The following C6 variants were observed in gnomAD, a reference collection of about 807,000 sequenced individuals.
C6 encodes the protein complement component C6.
C6 carries 101 observed loss-of-function variants against 112.9 expected under a neutral mutation model. The observed-to-expected ratio is 0.89, with a 90% confidence interval of 0.76 to 1.06. The LOEUF (loss-of-function observed/expected upper bound fraction) is 1.06. C6 is among the 50% of genes least tolerant of loss of function. C6 has a pLI of 0.00. For synonymous variants in C6, 431 were observed against 384.1 expected, an observed-to-expected ratio of 1.12 and a Z score of -1.43; for missense variants, 1,202 against 1,104.6, an observed-to-expected ratio of 1.09 and a Z score of -1.25.
rs772139187 is a variant in C6 at position 41,154,946 on chromosome 5, A to G, written c.2101+26T>C. On this transcript the variant is annotated intron_variant, in intron 14 of 17. Transcript: ENST00000337836. The stretch of plus-strand genomic sequence containing the variant: ...GCACATTCATTCTGTAAAGTAGTCA[A>G]GCAAAATTGTTTGCCCAGTTCTCAC... 14 of 1,612,460 alleles carry G rather than the reference A, an allele frequency of 8.7e-6. No individual in the cohort carries two copies. The South Asian group carries it at 1.3e-4, about 15-fold the overall frequency.
intron 1 of C6, among the ~76,000 whole-genome samples, chr5:41,250,742 T>G (rs1741300595): frequency 6.6e-6 from 1 of 152,306 alleles, no homozygotes; most frequent in Non-Finnish European, 1.5e-5. Context: ...TAAGCCACAG[T>G]AAACCTTCAG....
At chr5:41,192,941 A>G (rs904198390) in intron 5 of C6, among the ~76,000 whole-genome samples, 2 of 152,210 alleles carry the variant, frequency 1.3e-5, no homozygotes, top group Non-Finnish European at 2.9e-5. Context: ...TGTTGAAAAC[A>G]TTCTAAAATT....
chr5:41,189,543 G>A (rs139911444), intron 5 of C6, among the ~76,000 whole-genome samples: 2 of 152,058 alleles, frequency 1.3e-5, no homozygotes, highest in East Asian at 3.9e-4. Flanking sequence ...GGGGTACGTA[G>A]TGATGTTTAG....
At chr5:41,205,344 G>A (rs2150374813) in intron 1 of C6, among the ~76,000 whole-genome samples, 1 of 152,290 alleles carries the variant, frequency 6.6e-6, no homozygotes, top group East Asian at 1.9e-4. Context: ...ATTTCCAACT[G>A]AGGTACTGGG....
Position 41,201,568 on chromosome 5 carries a change from A to G in C6, c.290T>C (p.Ile97Thr). The G allele has an allele frequency of 1.2e-6, 2 of 1,613,640 alleles. No individual in the cohort carries two copies. The highest frequency in any genetic ancestry group is 8.5e-7 in the Non-Finnish European group (1 of 1,179,856). The change falls in exon 3 of 18, where the codon ATT (isoleucine) becomes ACT (threonine). Residue 97 changes from isoleucine (I) to threonine (T), a missense_variant. Ile to Thr is a moderately conservative substitution (Grantham distance 89, BLOSUM62 -1). Coordinates refer to ENST00000337836, the MANE Select transcript of C6 (RefSeq NM_000065.5). Reference protein sequence around the residue: ...FGPWSDCDPCIEKQSKVRSVL... With the variant: ...FGPWSDCDPCTEKQSKVRSVL... The stretch of plus-strand genomic sequence containing the variant: ...CCCATGGTTGCCTACCTGTTTTTCA[A>G]TACAAGGGTCACAGTCTGACCATGG...
At chr5:41,253,191 A>G (rs1481942328) in intron 1 of C6, among the ~76,000 whole-genome samples, 1 of 152,170 alleles carries the variant, frequency 6.6e-6, no homozygotes, top group Non-Finnish European at 1.5e-5. Flanking sequence ...TATGTTATGC[A>G]TGGGATTTTT....
chr5:41,235,173 C>T (rs1740191471), intron 1 of C6, among the ~76,000 whole-genome samples: 1 of 143,522 alleles, frequency 7.0e-6, no homozygotes, highest in Admixed American at 7.0e-5. Context: ...TGCGCTGCAC[C>T]CACTAACGTG....
At chr5:41,179,841 G>A (rs1314205642) in intron 7 of C6, among the ~76,000 whole-genome samples, 1 of 151,810 alleles carries the variant, frequency 6.6e-6, no homozygotes, top group East Asian at 1.9e-4. Context: ...CAAATATCTT[G>A]AAGTGTAATA....
intron 5 of C6, among the ~76,000 whole-genome samples, chr5:41,194,243 G>A (rs58840028): frequency 0.13 from 19,302 of 152,070 alleles, 1,336 homozygotes; most frequent in Admixed American, 0.2. Context: ...CACTTTCATC[G>A]AAATCAGCAC....
At chr5:41,207,769 A>C (rs1331700184) in intron 1 of C6, among the ~76,000 whole-genome samples, 1 of 152,186 alleles carries the variant, frequency 6.6e-6, no homozygotes, top group African/African-American at 2.4e-5. Flanking sequence ...ACTCCCACAC[A>C]ATAATAATGG....
rs967488921 is a variant in C6 at position 41,145,385 on chromosome 5, C to T, written c.2624-2379G>A. On this transcript the variant is annotated intron_variant, in intron 17 of 17. Coordinates refer to ENST00000337836, the MANE Select transcript of C6 (RefSeq NM_000065.5). ...TCTGTCCTATCAACTCTTAACAAGG[C>T]GCTCAATTAATTCTTCTGGATCAAC... is the stretch of plus-strand genomic sequence containing the variant. Among the ~76,000 whole-genome samples, 13 of 152,150 alleles carry T rather than the reference C, an allele frequency of 8.5e-5. No individual in the cohort carries two copies. In the South Asian group the frequency reaches 1.0e-3, roughly 12 times the overall value.
chr5:41,239,241 AG>A (rs1324456451), intron 1 of C6, among the ~76,000 whole-genome samples: 2 of 150,316 alleles, frequency 1.3e-5, no homozygotes, highest in Non-Finnish European at 2.9e-5. Context: ...CCTCCCCATG[AG>A]CTGGGGTTAC....
chr5:41,158,907 T>C (rs1349949997), intron 12 of C6, 122 bp from the exon 13 acceptor site: 48 of 1,017,348 alleles, frequency 4.7e-5, no homozygotes, highest in Admixed American at 1.9e-5. Flanking sequence ...ATAGAAAACA[T>C]TACACACAGA....
At chr5:41,229,123 A>G (rs1247371382) in intron 1 of C6, among the ~76,000 whole-genome samples, 1 of 152,190 alleles carries the variant, frequency 6.6e-6, no homozygotes, top group Non-Finnish European at 1.5e-5. Context: ...AAAAAGAAAA[A>G]GAAAATCAAC....
chr5:41,256,237 C>T (rs984243483), intron 1 of C6, among the ~76,000 whole-genome samples: 9 of 151,720 alleles, frequency 5.9e-5, no homozygotes, highest in East Asian at 1.9e-4. Context: ...TGAATAATGC[C>T]GCAATAAACA....
chr5:41,142,895 C>G lies in C6; in HGVS notation c.2735G>C (p.Cys912Ser). The G allele has an allele frequency of 6.2e-7, 1 of 1,613,448 alleles. No homozygotes were observed. ...TGCACATCTTATAGTTCCCACTTCA[C>G]AGATGTTCAATGTTTTCTCACTTGT... is the stretch of plus-strand genomic sequence containing the variant. ...SSTSEKTLNI[C>S]EVGTIRCANR... The change falls in exon 18 of 18, where the codon TGT becomes TCT. Residue 912 changes from cysteine (C) to serine (S), a missense_variant. Transcript: ENST00000337836.
At chr5:41,224,449 C>T (rs1739360993) in intron 1 of C6, among the ~76,000 whole-genome samples, 1 of 152,144 alleles carries the variant, frequency 6.6e-6, no homozygotes, top group Admixed American at 6.6e-5. Context: ...AATCTACTTT[C>T]TGTGTCTATA....
intron 1 of C6, among the ~76,000 whole-genome samples, chr5:41,260,447 AAC>A (rs1561212951): frequency 3.8e-5 from 5 of 132,626 alleles, no homozygotes; most frequent in Non-Finnish European, 8.0e-5. Context: ...CAAACAAATA[AAC>A]CCCCCCCCAA....
intron 2 of C6, 72 bp from the exon 3 acceptor site, chr5:41,201,786 C>T: frequency 7.6e-7 from 1 of 1,314,734 alleles, no homozygotes; most frequent in Middle Eastern, 2.1e-4. Context: ...ATCAAAGTAT[C>T]ATTGAGCATT....
Sources: gnomAD v4.1 joint callset for allele counts (sites outside exome capture counted in the v4.1 genomes callset) on GRCh38, gnomAD v4.1.1 for gene constraint, MANE v1.5 for transcripts, NCBI Gene and HGNC (gene_info 2026-07-23, HGNC 2026-07-21) for gene names.